The following ACTR3B variants were observed in gnomAD, a reference collection of about 807,000 sequenced individuals.
ACTR3B encodes actin-related protein 3B.
In ACTR3B, 8 loss-of-function variants were observed where a neutral mutation model predicts 59.0. The ratio of observed to expected loss-of-function variants is 0.14; its 90% CI spans 0.08 to 0.24. The LOEUF is 0.24. Among genes scored for constraint, ACTR3B ranks in the 10% least tolerant of loss-of-function variants. ACTR3B has a pLI of 1.00. For synonymous variants in ACTR3B, 148 were observed against 197.9 expected, an observed-to-expected ratio of 0.75 and a Z score of 2.12; for missense variants, 245 against 552.3, an observed-to-expected ratio of 0.44 and a Z score of 5.58.
At chr7:152,829,583 T>C (rs1222659871) in intron 9 of ACTR3B, among the ~76,000 whole-genome samples, 1 of 152,102 alleles carries the variant, frequency 6.6e-6, no homozygotes, top group Non-Finnish European at 1.5e-5. Context: ...AGCCTCCGTG[T>C]GAGAGCAGGT....
At chr7:152,837,048 C>T (rs1216836896) in intron 9 of ACTR3B, among the ~76,000 whole-genome samples, 2 of 152,202 alleles carry the variant, frequency 1.3e-5, no homozygotes, top group African/African-American at 2.4e-5. Context: ...TGGTGGCATG[C>T]ACCTGTAGTC....
intron 2 of ACTR3B, among the ~76,000 whole-genome samples, chr7:152,789,421 T>G (rs2098187195): frequency 6.6e-6 from 1 of 150,782 alleles, no homozygotes; most frequent in African/African-American, 2.5e-5. Flanking sequence ...AGACAACTCT[T>G]CCATAGTTTT....
chr7:152,805,698 AC>A (rs2098250199), intron 4 of ACTR3B, among the ~76,000 whole-genome samples: 1 of 151,984 alleles, frequency 6.6e-6, no homozygotes, highest in South Asian at 2.1e-4. Flanking sequence ...CACTTCACTA[AC>A]CAGTGTAGAC....
At position 152,769,444 on chromosome 7, in the gene ACTR3B, G is replaced by GAT. The variant is rs966777608; in HGVS notation, c.44+9529_44+9530dup. The stretch of plus-strand genomic sequence containing the variant: ...CTTCTCCTTGTGTTTGTCTGATATA[G>GAT]ATATATATATATTTCTCCATCCTTT... On this transcript the variant is annotated intron_variant, in intron 1 of 11. Coordinates refer to ENST00000256001, the MANE Select transcript of ACTR3B (RefSeq NM_020445.6). Among the ~76,000 whole-genome samples, 77 of 151,636 alleles carry GAT rather than the reference G, an allele frequency of 5.1e-4. 1 individual carries two copies. The highest frequency in any genetic ancestry group is 1.5e-3 in the African/African-American group (64 of 41,426).
At chr7:152,797,220 C>T (rs1484341688) in intron 2 of ACTR3B, among the ~76,000 whole-genome samples, 1 of 152,052 alleles carries the variant, frequency 6.6e-6, no homozygotes, top group Non-Finnish European at 1.5e-5. Flanking sequence ...GCTAGGACTA[C>T]AGGCATGTGT....
chr7:152,812,290 CA>C lies in ACTR3B; in HGVS notation c.337-2257del, dbSNP rs1283207845. 2 of 96,844 alleles carry C rather than the reference CA, an allele frequency of 2.1e-5. 1 individual carries two copies. The highest frequency in any genetic ancestry group is 4.9e-5 in the Non-Finnish European group (2 of 40,450). 6.0% of individuals were successfully genotyped at this position (96,844 alleles called of 1,614,324 possible). ...AGGTGATCCGCCCGCCTCGGCCTCC[CA>C]AAGTGCTGGGATTACAGGCATGAGC... On this transcript the variant is annotated intron_variant, in intron 4 of 11. Transcript: ENST00000256001.
intron 1 of ACTR3B, among the ~76,000 whole-genome samples, 165 bp downstream of exon 1, chr7:152,760,091 T>C (rs2117084639): frequency 6.6e-6 from 1 of 152,208 alleles, no homozygotes; most frequent in Admixed American, 6.5e-5. Context: ...AGCCTTGCCT[T>C]GACGTCGTAA....
Position 152,854,463 on chromosome 7 carries a change from G to T in ACTR3B, c.1167G>T (p.Glu389Asp). The T allele has an allele frequency of 4.3e-6, 7 of 1,614,026 alleles. No individual in the cohort carries two copies. The highest frequency in any genetic ancestry group is 5.9e-6 in the Non-Finnish European group (7 of 1,179,990). The change falls in exon 12 of 12, where the codon GAG becomes GAT. Residue 389 changes from glutamate (E) to aspartate (D), a missense_variant. Coordinates refer to ENST00000256001, the MANE Select transcript of ACTR3B (RefSeq NM_020445.6). The surrounding 1 kb of genome is among the most constrained non-coding windows in gnomAD (Gnocchi z 4.9). ...FGGSMLASTP[E>D]FFQVCHTKKD... ...CTGCCTGTTGCCTCTCGTAGCCCGA[G>T]TTCTTTCAGGTCTGCCACACCAAGA...
intron 1 of ACTR3B, among the ~76,000 whole-genome samples, chr7:152,781,233 A>G (rs1467716779): frequency 7.4e-6 from 1 of 135,658 alleles, no homozygotes; most frequent in Non-Finnish European, 1.5e-5. Flanking sequence ...CCCATTACAC[A>G]TAGACCACTG....
At chr7:152,853,398 C>A in intron 10 of ACTR3B, 96 bp from the exon 11 acceptor site, 2 of 1,066,326 alleles carry the variant, frequency 1.9e-6, no homozygotes, top group Non-Finnish European at 2.8e-6. Flanking sequence ...AAGAGGAGGG[C>A]GGCCCTGGGT....
rs2098225923 is a variant in ACTR3B at position 152,798,913 on chromosome 7, AAGTCAGGT to A, written c.101-1614_101-1607del. 5.3e-5 allele frequency among the ~76,000 whole-genome samples: 8 copies of A among 152,258 alleles called. No individual in the cohort carries two copies. In the South Asian group the frequency reaches 1.7e-3, roughly 32 times the overall value. ...TACTGTAGCTTTATAGTGTACTTTGAAGTCAGGTAGTGCGATCCCTCCAGCTTTCTTCT... is the reference window on the plus strand; with the variant it reads ...TACTGTAGCTTTATAGTGTACTTTGAAGTGCGATCCCTCCAGCTTTCTTCT... On this transcript the variant is annotated intron_variant, in intron 2 of 11. Coordinates refer to ENST00000256001, the MANE Select transcript of ACTR3B (RefSeq NM_020445.6).
intron 2 of ACTR3B, among the ~76,000 whole-genome samples, chr7:152,787,835 A>G (rs1188688881): frequency 6.6e-6 from 1 of 151,724 alleles, no homozygotes; most frequent in East Asian, 1.9e-4. Flanking sequence ...TTTTTTTCTC[A>G]GAATAGCTTT....
chr7:152,768,889 T>G lies in ACTR3B; in HGVS notation c.44+8963T>G, dbSNP rs531122169. Among the ~76,000 whole-genome samples the G allele has an allele frequency of 2.8e-4, 42 of 152,160 alleles. No individual in the cohort carries two copies. The East Asian group carries it at 7.1e-3, about 26-fold the overall frequency. On this transcript the variant is annotated intron_variant, in intron 1 of 11. Coordinates refer to ENST00000256001, the MANE Select transcript of ACTR3B (RefSeq NM_020445.6). Reference sequence around the variant, plus strand: ...TTTTAATTGAGACCGAGTCTCCTTCTGTCGTACAGGCTGGAGTGCAGTGGC... The same window carrying G: ...TTTTAATTGAGACCGAGTCTCCTTCGGTCGTACAGGCTGGAGTGCAGTGGC...
chr7:152,762,276 A>G (rs2098091874), intron 1 of ACTR3B, among the ~76,000 whole-genome samples: 1 of 152,220 alleles, frequency 6.6e-6, no homozygotes, highest in East Asian at 1.9e-4. Flanking sequence ...ACTAGGCTGC[A>G]TAGTTTTCAG....
In ACTR3B at chr7:152,788,446, C is replaced by G. The variant is rs1246660153; in HGVS notation, c.100+5204C>G. Among the ~76,000 whole-genome samples the G allele has an allele frequency of 1.5e-4, 21 of 135,648 alleles. 1 individual carries two copies. The highest frequency in any genetic ancestry group is 1.3e-3 in the Admixed American group (17 of 13,394). The allele number at this position is 135,648 out of a possible 152,430, so 89.0% of individuals were successfully genotyped here. ...TTTTTTTTTGAGATGGAGTCTTGCT[C>G]TGTTGCCCAGGCTGGAGTGCAGTGG... On this transcript the variant is annotated intron_variant, in intron 2 of 11. Transcript: ENST00000256001.
intron 1 of ACTR3B, among the ~76,000 whole-genome samples, chr7:152,776,337 G>A (rs529988479): frequency 6.6e-6 from 1 of 151,370 alleles, no homozygotes; most frequent in East Asian, 1.9e-4. Flanking sequence ...GACTTTCAAA[G>A]TAGAAACATA....
chr7:152,848,738 G>A (rs1048373440), intron 9 of ACTR3B, among the ~76,000 whole-genome samples: 1 of 152,192 alleles, frequency 6.6e-6, no homozygotes, highest in Non-Finnish European at 1.5e-5. Flanking sequence ...AACTAGGTAT[G>A]CAGTGTGTCT....
chr7:152,818,259 T>G (rs1795865650), intron 6 of ACTR3B, among the ~76,000 whole-genome samples: 1 of 152,234 alleles, frequency 6.6e-6, no homozygotes, highest in Non-Finnish European at 1.5e-5. Context: ...TTTCACAGTG[T>G]GTCCAGGCCC....
At chr7:152,852,295 C>G in intron 10 of ACTR3B, 44 bp downstream of exon 10, 1 of 1,554,636 alleles carries the variant, frequency 6.4e-7, no homozygotes, top group Non-Finnish European at 8.6e-7. Context: ...GCTATTGCCC[C>G]AGGCCTGACC....
Sources: gnomAD v4.1 joint callset for allele counts (sites outside exome capture counted in the v4.1 genomes callset) on GRCh38, gnomAD v4.1.1 for gene constraint, Gnocchi (gnomAD v3.1) non-coding constraint, MANE v1.5 for transcripts, NCBI Gene and HGNC (gene_info 2026-07-23, HGNC 2026-07-21) for gene names.